The following SNX29 variants were observed in gnomAD, a reference collection of about 807,000 sequenced individuals.
The protein encoded by SNX29 is sorting nexin-29.
In SNX29, 78 loss-of-function variants were observed where a neutral mutation model predicts 102.1. The observed-to-expected ratio is 0.76, with a 90% confidence interval of 0.64 to 0.92. SNX29 has a LOEUF of 0.92. Among genes scored for constraint, SNX29 ranks in the 40% least tolerant of loss-of-function variants. The pLI is 0.00. For missense variants in SNX29, 1,280 were observed against 1,061.7 expected, an observed-to-expected ratio of 1.21 and a Z score of -2.86; for synonymous variants, 580 against 414.5, an observed-to-expected ratio of 1.40 and a Z score of -4.85.
intron 14 of SNX29, among the ~76,000 whole-genome samples, chr16:12,266,078 T>C (rs551896264): frequency 5.3e-5 from 8 of 152,050 alleles, no homozygotes; most frequent in African/African-American, 1.7e-4. Flanking sequence ...GAAAAACAAA[T>C]TGTGTTTTTC....
intron 20 of SNX29, among the ~76,000 whole-genome samples, chr16:12,548,619 C>T (rs1453262530): frequency 1.3e-5 from 2 of 152,206 alleles, no homozygotes; most frequent in Non-Finnish European, 2.9e-5. Context: ...CCAAGCCCCA[C>T]AGCAGAAGAG....
rs990256296 is a variant in SNX29 at position 12,572,844 on chromosome 16, C to G, written c.*4215C>G. On this transcript the variant is annotated 3_prime_UTR_variant, in exon 21 of 21. Coordinates refer to ENST00000566228, the MANE Select transcript of SNX29 (RefSeq NM_032167.5). ...CATCCCAGAAGGGGCAGCCTCATGCCCAGGTTTCAGCCCTAAAGGTAATGA... is the reference window on the plus strand; with the variant it reads ...CATCCCAGAAGGGGCAGCCTCATGCGCAGGTTTCAGCCCTAAAGGTAATGA... 2.7e-5 allele frequency: 29 copies of G among 1,063,776 alleles called. No individual in the cohort carries two copies. Among genetic ancestry groups the G allele is most frequent in the African/African-American group, 3.3e-5 (2 of 60,984 alleles). 65.9% of individuals were successfully genotyped at this position (1,063,776 alleles called of 1,614,324 possible). A position where few individuals can be genotyped will look rare whatever the true frequency, so the allele number is the denominator to read the frequency against.
In SNX29 at chr16:12,064,498, C is replaced by T. The variant is rs906532257; in HGVS notation, c.1243+2852C>T. ...TGTCGAATGCACTCTCTGGAGATGACGTGTGCCGGCGTCAGCCAGCATTTC... is the reference window on the plus strand; with the variant it reads ...TGTCGAATGCACTCTCTGGAGATGATGTGTGCCGGCGTCAGCCAGCATTTC... On this transcript the variant is annotated intron_variant, in intron 9 of 20. Coordinates refer to ENST00000566228, the MANE Select transcript of SNX29 (RefSeq NM_032167.5). 3.9e-5 allele frequency among the ~76,000 whole-genome samples: 6 copies of T among 152,202 alleles called. No individual in the cohort carries two copies. The South Asian group carries it at 1.2e-3, about 32-fold the overall frequency.
At chr16:12,207,506 T>C (rs1236046870) in intron 14 of SNX29, among the ~76,000 whole-genome samples, 1 of 152,226 alleles carries the variant, frequency 6.6e-6, no homozygotes, top group African/African-American at 2.4e-5. Context: ...GTTAATTGTA[T>C]TTCATCTCCG....
chr16:12,057,994 T>C (rs2050589984), intron 8 of SNX29, among the ~76,000 whole-genome samples: 2 of 151,896 alleles, frequency 1.3e-5, no homozygotes, highest in Admixed American at 6.6e-5. Flanking sequence ...ATTTTTTGTA[T>C]TTTTAGTAGA....
intron 15 of SNX29, among the ~76,000 whole-genome samples, chr16:12,338,894 G>T (rs1159832893): frequency 6.6e-6 from 1 of 152,212 alleles, no homozygotes; most frequent in Non-Finnish European, 1.5e-5. Flanking sequence ...AATCATAACA[G>T]TGTTTCCAGA....
chr16:11,994,519 A>C (rs528942336), intron 1 of SNX29, among the ~76,000 whole-genome samples: 1 of 152,286 alleles, frequency 6.6e-6, no homozygotes, highest in East Asian at 1.9e-4. Flanking sequence ...GATCCCATGG[A>C]CTTGGAAATG....
At chr16:12,380,034 A>T (rs923925404) in intron 16 of SNX29, among the ~76,000 whole-genome samples, 5 of 152,094 alleles carry the variant, frequency 3.3e-5, no homozygotes, top group African/African-American at 4.8e-5. Context: ...TGGTGTTTGA[A>T]GACAGAACTC....
chr16:12,566,549 G>T (rs1471932446), intron 20 of SNX29, among the ~76,000 whole-genome samples: 7 of 152,340 alleles, frequency 4.6e-5, no homozygotes, highest in Admixed American at 1.3e-4. Flanking sequence ...GGAGGGGGTT[G>T]TGAGGGCATG....
At chr16:12,243,014 C>G (rs2078158704) in intron 14 of SNX29, among the ~76,000 whole-genome samples, 1 of 152,190 alleles carries the variant, frequency 6.6e-6, no homozygotes, top group Admixed American at 6.5e-5. Context: ...GGAGAGGCCC[C>G]TGGCTGTGGA....
Position 12,570,234 on chromosome 16 carries a change from G to A in SNX29, c.*1605G>A. 9.4e-7 allele frequency: 1 copy of A among 1,065,332 alleles called. No individual in the cohort carries two copies. The highest frequency in any genetic ancestry group is 1.1e-6 in the Non-Finnish European group (1 of 879,298). The allele number at this position is 1,065,332 out of a possible 1,614,324, so 66.0% of individuals were successfully genotyped here. ...CTGGGGCCAGATAAGCCCTGCCCCG[G>A]TGAGACCAAATGAGCTGGAGCATGT... On this transcript the variant is annotated 3_prime_UTR_variant, in exon 21 of 21. Coordinates refer to ENST00000566228, the MANE Select transcript of SNX29 (RefSeq NM_032167.5).
chr16:12,275,483 T>C (rs1305419181), intron 14 of SNX29, among the ~76,000 whole-genome samples: 1 of 152,274 alleles, frequency 6.6e-6, no homozygotes, highest in Non-Finnish European at 1.5e-5. Context: ...TTTTGCTTTC[T>C]AGTCCTGTGT....
intron 13 of SNX29, among the ~76,000 whole-genome samples, chr16:12,156,830 G>C (rs946735010): frequency 6.6e-6 from 1 of 152,210 alleles, no homozygotes; most frequent in Non-Finnish European, 1.5e-5. Context: ...TCTGGGCACT[G>C]AGTTTCCTCG....
At chr16:12,132,952 C>T (rs1382790133) in intron 13 of SNX29, among the ~76,000 whole-genome samples, 2 of 152,200 alleles carry the variant, frequency 1.3e-5, no homozygotes, top group Non-Finnish European at 2.9e-5. Flanking sequence ...TGCTTCTGGC[C>T]AGAGTAAAAG....
intron 15 of SNX29, among the ~76,000 whole-genome samples, chr16:12,314,190 G>A (rs1018619078): frequency 1.2e-4 from 18 of 152,084 alleles, no homozygotes. Context: ...GTACAGCTGG[G>A]GTCTTTCTGT....
At chr16:12,523,092 G>A (rs1369180192) in intron 19 of SNX29, among the ~76,000 whole-genome samples, 1 of 152,212 alleles carries the variant, frequency 6.6e-6, no homozygotes, top group Non-Finnish European at 1.5e-5. Context: ...GATTAAAGGT[G>A]TGTGAGCCAC....
At chr16:12,509,124 C>T (rs1283833777) in intron 19 of SNX29, among the ~76,000 whole-genome samples, 1 of 152,138 alleles carries the variant, frequency 6.6e-6, no homozygotes, top group Admixed American at 6.5e-5. Context: ...GTAGAGGCTA[C>T]AATTAAGGCA....
chr16:12,461,660 G>C (rs1467234900), intron 18 of SNX29, among the ~76,000 whole-genome samples: 1 of 151,842 alleles, frequency 6.6e-6, no homozygotes, highest in Non-Finnish European at 1.5e-5. Context: ...TTTTATGATA[G>C]AAAATATTCA....
chr16:12,571,802 G>A lies in SNX29; in HGVS notation c.*3173G>A, dbSNP rs371481334. On this transcript the variant is annotated 3_prime_UTR_variant, in exon 21 of 21. Transcript: ENST00000566228. Reference sequence around the variant, plus strand: ...CTCCGCCACTCTTCCTGCAATCAGTGTGAAATTCCAGCTTCTTTGATTCCC... The same window carrying A: ...CTCCGCCACTCTTCCTGCAATCAGTATGAAATTCCAGCTTCTTTGATTCCC... 4.9e-6 allele frequency: 5 copies of A among 1,024,764 alleles called. No individual in the cohort carries two copies. The highest frequency in any genetic ancestry group is 2.4e-6 in the Non-Finnish European group (2 of 843,564). 63.5% of individuals were successfully genotyped at this position (1,024,764 alleles called of 1,614,324 possible).
Sources: allele counts gnomAD v4.1 joint callset (sites outside exome capture counted in the v4.1 genomes callset), GRCh38; gene constraint gnomAD v4.1.1; transcripts MANE v1.5; gene names NCBI Gene and HGNC (gene_info 2026-07-23, HGNC 2026-07-21).